Variants in ERICH6B observed in about 807,000 individuals in gnomAD.
ERICH6B encodes the protein glutamate rich 6B.
Under a neutral mutation model 80.0 loss-of-function variants are expected in ERICH6B, and 69 were observed. The ratio of observed to expected loss-of-function variants is 0.86; its 90% confidence interval spans 0.71 to 1.05. The LOEUF (loss-of-function observed/expected upper bound fraction) is 1.05. Ranked by LOEUF, ERICH6B falls within the 50% of genes least tolerant of loss-of-function variation. The pLI is 0.00. For missense variants in ERICH6B, 754 were observed against 796.1 expected, an observed-to-expected ratio of 0.95 and a Z score of 0.64; for synonymous variants, 283 against 291.9, an observed-to-expected ratio of 0.97 and a Z score of 0.31.
At position 45,593,271 on chromosome 13, in the gene ERICH6B, T is replaced by G. The variant is rs568137259; in HGVS notation, c.638-2574A>C. On this transcript the variant is annotated intron_variant, in intron 3 of 14. Coordinates refer to ENST00000298738, the MANE Select transcript of ERICH6B (RefSeq NM_182542.3). ...CTGAAGTTGACCGCTATAGGGTAGA[T>G]GAGTGGAGGGTGCAGATCCCTCCCA... 1.8e-4 allele frequency among the ~76,000 whole-genome samples: 27 copies of G among 152,254 alleles called. No individual in the cohort carries two copies. The South Asian group carries it at 5.6e-3, about 32-fold the overall frequency.
chr13:45,555,949 C>T (rs1393221611), intron 11 of ERICH6B, among the ~76,000 whole-genome samples: 1 of 148,356 alleles, frequency 6.7e-6, no homozygotes, highest in African/African-American at 2.5e-5. Context: ...GCCTCAGGGC[C>T]TTTGCACTTG....
intron 11 of ERICH6B, among the ~76,000 whole-genome samples, chr13:45,559,315 T>G (rs1461431963): frequency 6.6e-6 from 1 of 152,202 alleles, no homozygotes; most frequent in African/African-American, 2.4e-5. Context: ...TTAATCTTGC[T>G]GAGGGTCTAT....
rs1873763063 is a variant in ERICH6B at position 45,541,350 on chromosome 13, A to ATTGGGTT, written c.*111_*112insAACCCAA. The ATTGGGTT allele has an allele frequency of 1.1e-6, 1 of 944,850 alleles. No individual in the cohort carries two copies. Among genetic ancestry groups the ATTGGGTT allele is most frequent in the Non-Finnish European group, 1.6e-6 (1 of 634,314 alleles). 58.5% of individuals were successfully genotyped at this position (944,850 alleles called of 1,614,324 possible). A position where few individuals can be genotyped will look rare whatever the true frequency, so the allele number is the denominator to read the frequency against. On this transcript the variant is annotated 3_prime_UTR_variant, in exon 15 of 15. Coordinates refer to ENST00000298738, the MANE Select transcript of ERICH6B (RefSeq NM_182542.3). The stretch of plus-strand genomic sequence containing the variant: ...ATCAAGGAGCCACGACAGGTCCCAA[A>ATTGGGTT]TTACAAACCAACTCTCATAAAAGGT...
At chr13:45,568,513 C>A in intron 8 of ERICH6B, 62 bp from the exon 9 acceptor site, 1 of 1,405,934 alleles carries the variant, frequency 7.1e-7, no homozygotes, top group South Asian at 1.6e-5. Context: ...GTTAGTTAAT[C>A]ACTTTTCTGA....
At position 45,565,655 on chromosome 13, in the gene ERICH6B, C is replaced by T. The variant is rs141514746; in HGVS notation, c.1188-1867G>A. On this transcript the variant is annotated intron_variant, in intron 9 of 14. Coordinates refer to ENST00000298738, the MANE Select transcript of ERICH6B (RefSeq NM_182542.3). ...TGTACAAGCTCTCTTCTCTTGTCTGCCACCATGTGAGATGTGCTTTTCACC... is the reference window on the plus strand; with the variant it reads ...TGTACAAGCTCTCTTCTCTTGTCTGTCACCATGTGAGATGTGCTTTTCACC... 8.5e-3 allele frequency among the ~76,000 whole-genome samples: 1,293 copies of T among 152,300 alleles called. 17 individuals carry two copies. Among genetic ancestry groups the T allele is most frequent in the African/African-American group, 0.03 (1,235 of 41,556 alleles).
rs963560160 is a variant in ERICH6B, at chr13:45,549,984, T to C, written c.1555A>G (p.Ile519Val). The C allele has an allele frequency of 1.3e-6, 2 of 1,551,796 alleles. No homozygotes were observed. The highest frequency in any genetic ancestry group is 1.7e-6 in the Non-Finnish European group (2 of 1,147,052). ...CCTTCTAGACTGTCTTCCAGAATGA[T>C]GTATGTGAACTTTTTCATTTTCGCA... ...LYAKMKKFTYIILEDSLEGRI... is the reference protein window; with the variant it reads ...LYAKMKKFTYVILEDSLEGRI... The change falls in exon 13 of 15, where the codon ATC becomes GTC. Residue 519 changes from isoleucine (I) to valine (V), a missense_variant. Ile to Val is a conservative substitution (Grantham distance 29, BLOSUM62 3). Transcript: ENST00000298738.
intron 11 of ERICH6B, among the ~76,000 whole-genome samples, chr13:45,551,894 T>G (rs991659443): frequency 6.6e-6 from 1 of 152,304 alleles, no homozygotes; most frequent in Admixed American, 6.5e-5. Flanking sequence ...GCTTGGACTT[T>G]CCAGCCTTTG....
At chr13:45,572,675 T>C (rs17243637) in intron 8 of ERICH6B, among the ~76,000 whole-genome samples, 6,402 of 152,140 alleles carry the variant, frequency 0.042, 224 homozygotes, top group Non-Finnish European at 0.065. Context: ...AGAAGAAGGT[T>C]GGAAAACAAA....
Position 45,609,574 on chromosome 13 carries a change from A to G in ERICH6B, c.-110-1959T>C, listed in dbSNP as rs920547877. Among the ~76,000 whole-genome samples the G allele has an allele frequency of 3.9e-5, 6 of 152,316 alleles. No homozygotes were observed. The South Asian group carries it at 1.0e-3, about 26-fold the overall frequency. On this transcript the variant is annotated intron_variant, in intron 1 of 14. Coordinates refer to ENST00000298738, the MANE Select transcript of ERICH6B (RefSeq NM_182542.3). ...TAGGAACTTTGCTTTCTTGTTCACC[A>G]TTGTATTCCCACCAGCTAGAATAGT...
chr13:45,569,943 T>G (rs1401006308), intron 8 of ERICH6B, among the ~76,000 whole-genome samples: 1 of 152,216 alleles, frequency 6.6e-6, no homozygotes, highest in Non-Finnish European at 1.5e-5. Context: ...GAAGTGACTT[T>G]CTGTTTGCCT....
chr13:45,549,966 G>T lies in ERICH6B; in HGVS notation c.1573C>A (p.Leu525Ile), dbSNP rs1462787854. 4 of 1,551,732 alleles carry T rather than the reference G, an allele frequency of 2.6e-6. No individual in the cohort carries two copies. In the South Asian group the frequency reaches 4.8e-5, roughly 18 times the overall value. Reference sequence around the variant, plus strand: ...ATAAGGGCCCGGATCCTCCCTTCTAGACTGTCTTCCAGAATGATGTATGTG... The same window carrying T: ...ATAAGGGCCCGGATCCTCCCTTCTATACTGTCTTCCAGAATGATGTATGTG... ...KFTYIILEDS[L>I]EGRIRALINN... Residue 525 changes from leucine to isoleucine, a missense_variant, in exon 13 of 15, where the codon CTA (leucine) becomes ATA (isoleucine). Physicochemically the swap from Leu to Ile is conservative, Grantham distance 5. Transcript: ENST00000298738.
At chr13:45,574,101 AT>A (rs1295147466) in intron 8 of ERICH6B, among the ~76,000 whole-genome samples, 1 of 152,188 alleles carries the variant, frequency 6.6e-6, no homozygotes, top group East Asian at 1.9e-4. Context: ...ATTTTCTTTT[AT>A]AAATTTAGGA....
At chr13:45,607,003 G>A (rs1949871133) in intron 2 of ERICH6B, among the ~76,000 whole-genome samples, 1 of 152,046 alleles carries the variant, frequency 6.6e-6, no homozygotes, top group Non-Finnish European at 1.5e-5. Flanking sequence ...GGCCAGTTGT[G>A]CTGTGGAATT....
chr13:45,541,977 G>C (rs1873798120), intron 14 of ERICH6B, among the ~76,000 whole-genome samples: 1 of 152,194 alleles, frequency 6.6e-6, no homozygotes, highest in Non-Finnish European at 1.5e-5. Flanking sequence ...CCCTCCAAAG[G>C]CGGTGCTTTC....
At chr13:45,580,072 A>G in intron 6 of ERICH6B, 98 bp from the exon 7 acceptor site, 3 of 1,052,990 alleles carry the variant, frequency 2.8e-6, no homozygotes, top group Non-Finnish European at 1.4e-6. Context: ...ATCATCTCCT[A>G]GATATCTGGG....
chr13:45,568,436 A>T lies in ERICH6B; in HGVS notation c.1066T>A (p.Tyr356Asn). The change falls in exon 9 of 15, where the codon TAT becomes AAT. Residue 356 changes from tyrosine (Y) to asparagine (N), a missense_variant. Coordinates refer to ENST00000298738, the MANE Select transcript of ERICH6B (RefSeq NM_182542.3). ...ATTATTGTTTTAAATACTGTCTGATAGGAGCTGTTCAAAAACTACAAAAGG... is the reference window on the plus strand; with the variant it reads ...ATTATTGTTTTAAATACTGTCTGATTGGAGCTGTTCAAAAACTACAAAAGG... Reference protein sequence around the residue: ...DLDENFLNSSYQTVFKTIIKE... With the variant: ...DLDENFLNSSNQTVFKTIIKE... 1 of 1,531,834 alleles carries T rather than the reference A, an allele frequency of 6.5e-7. No homozygotes were observed. Among genetic ancestry groups the T allele is most frequent in the South Asian group, 1.3e-5 (1 of 79,296 alleles). 94.9% of individuals were successfully genotyped at this position (1,531,834 alleles called of 1,614,324 possible). A position where few individuals can be genotyped will look rare whatever the true frequency, so the allele number is the denominator to read the frequency against.
chr13:45,587,533 C>T (rs1173656471), intron 4 of ERICH6B, among the ~76,000 whole-genome samples: 1 of 152,194 alleles, frequency 6.6e-6, no homozygotes, highest in African/African-American at 2.4e-5. Context: ...TCTCCTTCCT[C>T]CCTGGCTCAA....
At chr13:45,548,824 G>A (rs1874092959) in intron 13 of ERICH6B, among the ~76,000 whole-genome samples, 1 of 152,184 alleles carries the variant, frequency 6.6e-6, no homozygotes, top group Non-Finnish European at 1.5e-5. Context: ...TCAGGGGAGG[G>A]CAGATACCTC....
chr13:45,555,659 G>A (rs1162412649), intron 11 of ERICH6B, among the ~76,000 whole-genome samples: 3 of 152,072 alleles, frequency 2.0e-5, no homozygotes, highest in Non-Finnish European at 4.4e-5. Context: ...CTGCAAGATG[G>A]TAGAGACCTA....
Sources: allele counts gnomAD v4.1 joint callset (sites outside exome capture counted in the v4.1 genomes callset), GRCh38; gene constraint gnomAD v4.1.1; transcripts MANE v1.5; gene names NCBI Gene and HGNC (gene_info 2026-07-23, HGNC 2026-07-21).